The following PTPRE variants were observed in gnomAD, a reference collection of about 807,000 sequenced individuals.
PTPRE encodes the protein protein tyrosine phosphatase receptor type E.
PTPRE carries 51 observed loss-of-function variants against 102.0 expected under a neutral mutation model. That is an observed-to-expected ratio of 0.50 (90% CI 0.40 to 0.63). The LOEUF is 0.63. PTPRE is among the 30% of genes least tolerant of loss of function. The pLI is 0.00. For missense variants in PTPRE, 752 were observed against 915.1 expected (o/e 0.82, Z 2.30); for synonymous variants, 345 against 348.2 (o/e 0.99, Z 0.10).
Position 128,049,337 on chromosome 10 carries a change from T to C in PTPRE, c.284-193T>C, listed in dbSNP as rs150021740. Among the ~76,000 whole-genome samples, 46 of 152,166 alleles carry C rather than the reference T, an allele frequency of 3.0e-4. No homozygotes were observed. The East Asian group carries it at 8.1e-3, about 27-fold the overall frequency. ...GGACGCCCGTCACTTGTAAATGATG[T>C]GGATGCCTCACAGGAGGCGAGTGTT... On this transcript the variant is annotated intron_variant, in intron 5 of 20. Transcript: ENST00000254667.
chr10:127,945,859 C>T (rs1848583672), intron 1 of PTPRE, among the ~76,000 whole-genome samples: 1 of 152,078 alleles, frequency 6.6e-6, no homozygotes, highest in Non-Finnish European at 1.5e-5. Flanking sequence ...GGGTCGCTGA[C>T]ATCATGGAGT....
Position 128,049,634 on chromosome 10 carries a change from G to T in PTPRE, c.388G>T (p.Asp130Tyr). Residue 130 changes from aspartate to tyrosine, a missense_variant, in exon 6 of 21, where the codon GAC (aspartate) becomes TAC (tyrosine). By Grantham distance (160) the Asp-to-Tyr change is radical. Coordinates refer to ENST00000254667, the MANE Select transcript of PTPRE (RefSeq NM_006504.6). ...GGAGGAGATCCGTATCAGATCCGCC[G>T]ACGACTGCAAGCAGTTTCGGGAGGA... ...LEEEIRIRSADDCKQFREEFN... is the reference protein window; with the variant it reads ...LEEEIRIRSAYDCKQFREEFN... 1 of 1,613,930 alleles carries T rather than the reference G, an allele frequency of 6.2e-7. No individual in the cohort carries two copies. The highest frequency in any genetic ancestry group is 8.5e-7 in the Non-Finnish European group (1 of 1,180,036).
intron 2 of PTPRE, among the ~76,000 whole-genome samples, chr10:128,033,153 G>A (rs1270458055): frequency 6.6e-6 from 1 of 152,168 alleles, no homozygotes; most frequent in Non-Finnish European, 1.5e-5. Flanking sequence ...CTGCACCTGA[G>A]GATGATAAAT....
chr10:127,994,902 A>G (rs1205424061), intron 2 of PTPRE, among the ~76,000 whole-genome samples: 2 of 152,160 alleles, frequency 1.3e-5, no homozygotes, highest in Admixed American at 6.5e-5. Flanking sequence ...CATCCCTAGG[A>G]TTCCTAAGAG....
intron 1 of PTPRE, among the ~76,000 whole-genome samples, chr10:127,979,278 AC>A (rs1851426696): frequency 6.6e-6 from 1 of 152,148 alleles, no homozygotes; most frequent in Non-Finnish European, 1.5e-5. Flanking sequence ...GTCTGCTCAA[AC>A]CAACCTCCCC....
At chr10:128,042,850 G>A (rs1038438870) in intron 3 of PTPRE, among the ~76,000 whole-genome samples, 2 of 152,134 alleles carry the variant, frequency 1.3e-5, no homozygotes, top group Non-Finnish European at 2.9e-5. Context: ...AAAATAATAC[G>A]TAAAAGAACA....
chr10:127,931,270 T>C (rs1564805894), intron 1 of PTPRE, among the ~76,000 whole-genome samples: 1 of 152,218 alleles, frequency 6.6e-6, no homozygotes, highest in African/African-American at 2.4e-5. Flanking sequence ...CTTTTGCCTG[T>C]TTTTAAAATT....
intron 2 of PTPRE, among the ~76,000 whole-genome samples, chr10:127,997,542 T>C (rs1853397368): frequency 6.6e-6 from 1 of 152,236 alleles, no homozygotes; most frequent in Non-Finnish European, 1.5e-5. Context: ...CATTCATGTA[T>C]ATTTTAAAGC....
intron 1 of PTPRE, among the ~76,000 whole-genome samples, chr10:127,940,633 A>C (rs993622305): frequency 6.6e-6 from 1 of 152,156 alleles, no homozygotes; most frequent in African/African-American, 2.4e-5. Context: ...TGAGTCCCAG[A>C]TGGATGTCTT....
intron 1 of PTPRE, among the ~76,000 whole-genome samples, chr10:127,978,193 G>C (rs910451577): frequency 6.6e-6 from 1 of 152,118 alleles, no homozygotes; most frequent in Non-Finnish European, 1.5e-5. Flanking sequence ...AGCTTCACTG[G>C]GAGGAAGGAG....
At chr10:127,965,701 G>A (rs950607663) in intron 1 of PTPRE, among the ~76,000 whole-genome samples, 3 of 152,230 alleles carry the variant, frequency 2.0e-5, no homozygotes, top group Non-Finnish European at 4.4e-5. Flanking sequence ...TGTGCTGAGT[G>A]TGGAGCCCCT....
At chr10:127,976,081 C>T (rs780307463) in intron 1 of PTPRE, among the ~76,000 whole-genome samples, 5 of 152,036 alleles carry the variant, frequency 3.3e-5, no homozygotes, top group African/African-American at 4.8e-5. Flanking sequence ...CAGTTAACAC[C>T]GTCCATCCCT....
intron 2 of PTPRE, among the ~76,000 whole-genome samples, chr10:127,993,117 G>A (rs538541505): frequency 2.5e-4 from 38 of 152,230 alleles, no homozygotes; most frequent in African/African-American, 8.2e-4. Flanking sequence ...CTGAAATTGC[G>A]TATTCAGGTC....
At chr10:128,060,392 C>G (rs903920649) in intron 7 of PTPRE, among the ~76,000 whole-genome samples, 4 of 152,206 alleles carry the variant, frequency 2.6e-5, no homozygotes, top group Admixed American at 6.5e-5. Flanking sequence ...GCTCGCCTTC[C>G]AGCTCTGGGG....
At chr10:127,977,685 G>GCA (rs1851284743) in intron 1 of PTPRE, among the ~76,000 whole-genome samples, 1 of 152,222 alleles carries the variant, frequency 6.6e-6, no homozygotes, top group South Asian at 2.1e-4. Context: ...TGCAAGGTTA[G>GCA]GATGCACAAT....
At chr10:128,063,971 G>A (rs756492002) in intron 10 of PTPRE, among the ~76,000 whole-genome samples, 9 of 152,200 alleles carry the variant, frequency 5.9e-5, no homozygotes, top group Admixed American at 2.6e-4. Flanking sequence ...TGCTTCTGGC[G>A]TGTTCTGGCA....
intron 6 of PTPRE, among the ~76,000 whole-genome samples, chr10:128,055,029 A>G (rs192164390): frequency 6.6e-6 from 1 of 152,214 alleles, no homozygotes; most frequent in African/African-American, 2.4e-5. Context: ...CACCCATAAA[A>G]CGGGGACCAT....
chr10:127,989,914 T>C (rs1321389070), intron 2 of PTPRE, among the ~76,000 whole-genome samples: 1 of 152,212 alleles, frequency 6.6e-6, no homozygotes. Flanking sequence ...GCACAGCCAG[T>C]AATTTGTTCA....
chr10:127,999,019 T>G (rs965762729), intron 2 of PTPRE: 3 of 145,642 alleles, frequency 2.1e-5, no homozygotes, highest in Non-Finnish European at 4.5e-5. Context: ...GAGAAGGTAT[T>G]TCTTCAAAGC....
Sources: allele counts gnomAD v4.1 joint callset (sites outside exome capture counted in the v4.1 genomes callset), GRCh38; gene constraint gnomAD v4.1.1; transcripts MANE v1.5; gene names NCBI Gene and HGNC (gene_info 2026-07-23, HGNC 2026-07-21).